OSBPL9: variants seen among roughly 807,000 people sequenced by gnomAD.
OSBPL9 encodes oxysterol binding protein like 9, also known as oxysterol-binding protein-related protein 9.
A neutral mutation model predicts 106.6 loss-of-function variants in OSBPL9; 40 were observed. The observed-to-expected ratio is 0.38, with a 90% CI of 0.29 to 0.49. The LOEUF (loss-of-function observed/expected upper bound fraction) is 0.49. OSBPL9 is among the 20% of genes least tolerant of loss of function. OSBPL9 has a pLI of 0.97. For missense variants in OSBPL9, 609 were observed against 887.2 expected (o/e 0.69, Z 3.98); for synonymous variants, 269 against 295.4 (o/e 0.91, Z 0.92).
Position 51,771,257 on chromosome 1 carries a change from T to C in OSBPL9, c.939-813T>C, listed in dbSNP as rs576250967. Among the ~76,000 whole-genome samples, 108 of 152,328 alleles carry C rather than the reference T, an allele frequency of 7.1e-4. 1 individual carries two copies. Among genetic ancestry groups the C allele is most frequent in the Middle Eastern group, 6.8e-3 (2 of 294 alleles). On this transcript the variant is annotated intron_variant, in intron 12 of 23. Coordinates refer to ENST00000428468, the MANE Select transcript of OSBPL9 (RefSeq NM_024586.6). ...ACTCATGTGTACTGTTTTATAAATA[T>C]CTAAAGCGTGAGAAATTTGATTTCA...
At chr1:51,738,682 A>T (rs1021307355) in intron 4 of OSBPL9, among the ~76,000 whole-genome samples, 1 of 151,986 alleles carries the variant, frequency 6.6e-6, no homozygotes, top group African/African-American at 2.4e-5. Flanking sequence ...TTGGGAGTTC[A>T]TCAACTTATA....
chr1:51,553,417 G>A, the OSBPL9 span, among the ~76,000 whole-genome samples: 3 of 152,108 alleles, frequency 2.0e-5, no homozygotes, highest in African/African-American at 7.2e-5. Context: ...GGGAGGCTGA[G>A]GCAGGAGGAT....
intron 12 of OSBPL9, among the ~76,000 whole-genome samples, chr1:51,766,913 C>CA (rs35475237): frequency 0.17 from 22,871 of 136,074 alleles, 2,013 homozygotes; most frequent in Middle Eastern, 0.32. Context: ...CTAAAAATAC[C>CA]AAAAAAAAAA....
At chr1:51,611,831 C>T (rs976864601) in intron 2 of OSBPL9, among the ~76,000 whole-genome samples, 5 of 152,104 alleles carry the variant, frequency 3.3e-5, no homozygotes, top group African/African-American at 9.6e-5. Context: ...AAAAATTAGC[C>T]GGGCGTGGTG....
intron 10 of OSBPL9, 84 bp from the exon 11 acceptor site, chr1:51,761,783 G>A: frequency 9.3e-7 from 1 of 1,074,900 alleles, no homozygotes. Context: ...TGGCCTTTAG[G>A]ATTTTGAATC....
intron 1 of OSBPL9, among the ~76,000 whole-genome samples, chr1:51,644,978 G>A (rs1252659948): frequency 6.6e-6 from 1 of 152,146 alleles, no homozygotes; most frequent in Non-Finnish European, 1.5e-5. Context: ...CAACAGTGTT[G>A]GGAAGTGGGG....
At chr1:51,721,842 T>A (rs1392914671) in intron 4 of OSBPL9, among the ~76,000 whole-genome samples, 2 of 152,130 alleles carry the variant, frequency 1.3e-5, no homozygotes, top group East Asian at 3.8e-4. Context: ...ACAGGTAAAG[T>A]GGAATGGAGA....
intron 2 of OSBPL9, among the ~76,000 whole-genome samples, chr1:51,605,705 G>A (rs1049479886): frequency 1.3e-5 from 2 of 152,202 alleles, no homozygotes; most frequent in South Asian, 4.1e-4. Flanking sequence ...GCTCTCAGCC[G>A]GGCACAGTGA....
intron 4 of OSBPL9, chr1:51,740,124 T>C (rs769421856): frequency 3.0e-5 from 46 of 1,549,344 alleles, no homozygotes; most frequent in Non-Finnish European, 3.8e-5. Flanking sequence ...ATTCTCTCTT[T>C]TCCTTACTTT....
intron 9 of OSBPL9, chr1:51,757,141 A>G (rs1382902290): frequency 6.6e-6 from 1 of 152,126 alleles, no homozygotes; most frequent in African/African-American, 2.4e-5. Context: ...GTAAATTTTC[A>G]AAAACATCTC....
At chr1:51,773,076 C>G (rs1360822182) in intron 14 of OSBPL9, among the ~76,000 whole-genome samples, 1 of 152,074 alleles carries the variant, frequency 6.6e-6, no homozygotes, top group Non-Finnish European at 1.5e-5. Flanking sequence ...TCAGGGTTCT[C>G]TATGCAAATT....
the OSBPL9 span, among the ~76,000 whole-genome samples, chr1:51,526,052 T>G: frequency 6.6e-6 from 1 of 152,170 alleles, no homozygotes; most frequent in Non-Finnish European, 1.5e-5. Flanking sequence ...AATTTTTGTA[T>G]TTTTTGTAGA....
chr1:51,520,043 C>A, the OSBPL9 span, among the ~76,000 whole-genome samples: 2 of 152,234 alleles, frequency 1.3e-5, no homozygotes, highest in African/African-American at 4.8e-5. Context: ...TCAAGTTTCA[C>A]CTCCTTTGCA....
chr1:51,683,206 G>C (rs1018294428), intron 3 of OSBPL9, among the ~76,000 whole-genome samples: 65 of 151,578 alleles, frequency 4.3e-4, no homozygotes, highest in Non-Finnish European at 6.0e-4. Context: ...TTGAGATGGA[G>C]TTTCGCTCTT....
intron 3 of OSBPL9, among the ~76,000 whole-genome samples, chr1:51,698,261 C>T (rs957658181): frequency 3.3e-5 from 5 of 152,100 alleles, no homozygotes; most frequent in South Asian, 4.1e-4. Flanking sequence ...TAAAAAGCAA[C>T]AGCTTTGTGG....
intron 3 of OSBPL9, among the ~76,000 whole-genome samples, chr1:51,674,490 A>G (rs138932629): frequency 1.2e-3 from 177 of 152,204 alleles, no homozygotes; most frequent in Middle Eastern, 3.4e-3. Context: ...GGGACCTCTT[A>G]TGTTTAAGGT....
intron 1 of OSBPL9, among the ~76,000 whole-genome samples, chr1:51,588,716 G>A (rs1350618289): frequency 6.6e-6 from 1 of 152,174 alleles, no homozygotes; most frequent in Non-Finnish European, 1.5e-5. Context: ...ATAAAATTCA[G>A]ACTCATTGAA....
upstream of OSBPL9, among the ~76,000 whole-genome samples, chr1:51,612,976 G>A (rs1038925113): frequency 1.3e-5 from 2 of 152,148 alleles, no homozygotes; most frequent in Admixed American, 6.5e-5. Flanking sequence ...TATTTAAAAC[G>A]GGTGTGATAG....
chr1:51,614,759 G>A (rs915627483), upstream of OSBPL9, among the ~76,000 whole-genome samples: 1 of 152,046 alleles, frequency 6.6e-6, no homozygotes, highest in African/African-American at 2.4e-5. Flanking sequence ...ACCCATAGGA[G>A]CTCACTTAAT....
Sources: allele counts gnomAD v4.1 joint callset (sites outside exome capture counted in the v4.1 genomes callset), GRCh38; gene constraint gnomAD v4.1.1; transcripts MANE v1.5; gene names NCBI Gene and HGNC (gene_info 2026-07-23, HGNC 2026-07-21).